Variants in ZNF143 observed in about 807,000 individuals in gnomAD.
ZNF143 encodes SPH-binding factor.
ZNF143 carries 49 observed loss-of-function variants against 74.1 expected under a neutral mutation model. The ratio of observed to expected loss-of-function variants is 0.66; its 90% confidence interval spans 0.53 to 0.84. The LOEUF (loss-of-function observed/expected upper bound fraction) is 0.84. Among genes scored for constraint, ZNF143 ranks in the 40% least tolerant of loss-of-function variants. The pLI is 0.00. For synonymous variants in ZNF143, 304 were observed against 282.8 expected (o/e 1.07, Z -0.75); for missense variants, 637 against 793.4 (o/e 0.80, Z 2.37).
At chr11:9,485,833 T>C (rs1230803796) in intron 7 of ZNF143, among the ~76,000 whole-genome samples, 1 of 151,576 alleles carries the variant, frequency 6.6e-6, no homozygotes, top group Non-Finnish European at 1.5e-5. Context: ...AAACACCAGA[T>C]TGTAAGTTAT....
intron 10 of ZNF143, 145 bp from the exon 11 acceptor site, chr11:9,500,946 C>A: frequency 3.4e-6 from 3 of 876,146 alleles, no homozygotes. Context: ...GTTTCCCCAA[C>A]CCCCCCAAAA....
chr11:9,471,044 A>G (rs1215610141), intron 1 of ZNF143: 3 of 189,368 alleles, frequency 1.6e-5, no homozygotes, highest in Non-Finnish European at 3.2e-5. Context: ...TATGAAACTG[A>G]TGGGCACAAT....
intron 7 of ZNF143, among the ~76,000 whole-genome samples, chr11:9,493,689 T>C (rs1847862234): frequency 1.3e-5 from 2 of 152,176 alleles, no homozygotes; most frequent in African/African-American, 4.8e-5. Flanking sequence ...TACCCAGAAT[T>C]ATATGCCATG....
At chr11:9,492,297 A>T (rs1190932631) in intron 7 of ZNF143, among the ~76,000 whole-genome samples, 15 of 151,968 alleles carry the variant, frequency 9.9e-5, no homozygotes, top group Non-Finnish European at 1.2e-4. Flanking sequence ...TTTTTAGTAG[A>T]GACAGGGTTT....
intron 5 of ZNF143, among the ~76,000 whole-genome samples, chr11:9,477,655 ATTT>A (rs985856492): frequency 6.6e-6 from 1 of 152,126 alleles, no homozygotes; most frequent in African/African-American, 2.4e-5. Context: ...TAAAATCACT[ATTT>A]TATATCAATA....
chr11:9,521,062 G>T (rs1848907618), intron 14 of ZNF143, among the ~76,000 whole-genome samples: 1 of 152,022 alleles, frequency 6.6e-6, no homozygotes, highest in African/African-American at 2.4e-5. Flanking sequence ...TACACTCCCT[G>T]CCCCCACACA....
intron 11 of ZNF143, among the ~76,000 whole-genome samples, chr11:9,504,149 T>G (rs942189489): frequency 4.0e-5 from 6 of 148,420 alleles, no homozygotes; most frequent in African/African-American, 7.5e-5. Flanking sequence ...TTAATAGAGA[T>G]AGGTTTTCAC....
chr11:9,461,458 C>T (rs1267651802), intron 1 of ZNF143, among the ~76,000 whole-genome samples: 2 of 152,164 alleles, frequency 1.3e-5, no homozygotes, highest in South Asian at 4.1e-4. Flanking sequence ...GAGCGAGTCC[C>T]CAGGCGCCGC....
intron 14 of ZNF143, 101 bp from the exon 15 acceptor site, chr11:9,525,139 C>G: frequency 2.2e-6 from 3 of 1,392,206 alleles, no homozygotes; most frequent in Non-Finnish European, 3.0e-6. Context: ...AGGAGTTTTT[C>G]CTTTTCAATT....
intron 5 of ZNF143, among the ~76,000 whole-genome samples, chr11:9,475,838 A>C: frequency 6.6e-6 from 1 of 151,416 alleles, no homozygotes; most frequent in East Asian, 1.9e-4. Context: ...TAGAGGTTGC[A>C]GTGTAGTTGA....
In ZNF143 at chr11:9,501,925, C is replaced by CTTT. The variant is rs57169874; in HGVS notation, c.1147+681_1147+683dup. Among the ~76,000 whole-genome samples the CTTT allele has an allele frequency of 4.8e-4, 18 of 37,436 alleles. 2 individuals are homozygous for CTTT. Among genetic ancestry groups the CTTT allele is most frequent in the African/African-American group, 1.0e-3 (9 of 8,768 alleles). 24.6% of individuals were successfully genotyped at this position (37,436 alleles called of 152,430 possible). On this transcript the variant is annotated intron_variant, in intron 11 of 15. Coordinates refer to ENST00000396602, the MANE Select transcript of ZNF143 (RefSeq NM_003442.6). Reference sequence around the variant, plus strand: ...GGGCGGGGTGGTCTATGGATATATTCTTTTTTTTTTTTTTTTTTTTTTTTT... The same window carrying CTTT: ...GGGCGGGGTGGTCTATGGATATATTCTTTTTTTTTTTTTTTTTTTTTTTTTTTT...
At position 9,514,738 on chromosome 11, in the gene ZNF143, A is replaced by G. The variant is rs191074576; in HGVS notation, c.1525-1463A>G. ...ACACTTTCTGGGACTGCAAATGACT[A>G]GTTGTGGCTGGAGTGTCAGTTGCTA... On this transcript the variant is annotated intron_variant, in intron 13 of 15. Coordinates refer to ENST00000396602, the MANE Select transcript of ZNF143 (RefSeq NM_003442.6). Among the ~76,000 whole-genome samples the G allele has an allele frequency of 3.1e-3, 469 of 152,340 alleles. 2 individuals are homozygous for G. Among genetic ancestry groups the G allele is most frequent in the Non-Finnish European group, 3.4e-3 (230 of 68,028 alleles).
chr11:9,487,549 G>C (rs1289963519), intron 7 of ZNF143, among the ~76,000 whole-genome samples: 4 of 151,668 alleles, frequency 2.6e-5, no homozygotes, highest in Non-Finnish European at 5.9e-5. Flanking sequence ...AGTAGAGATG[G>C]GGTTTCACCG....
At chr11:9,485,712 C>T (rs908975430) in intron 7 of ZNF143, among the ~76,000 whole-genome samples, 5 of 151,460 alleles carry the variant, frequency 3.3e-5, no homozygotes, top group African/African-American at 1.2e-4. Context: ...TCTGGTGCCA[C>T]ACTTCTAGGA....
chr11:9,500,493 G>C (rs932663012), intron 10 of ZNF143, among the ~76,000 whole-genome samples: 4 of 151,942 alleles, frequency 2.6e-5, no homozygotes, highest in Admixed American at 1.3e-4. Flanking sequence ...GAGTGCAACG[G>C]TGTAATCTCG....
intron 7 of ZNF143, among the ~76,000 whole-genome samples, chr11:9,484,053 A>T (rs1417759472): frequency 6.6e-6 from 1 of 150,782 alleles, no homozygotes; most frequent in Non-Finnish European, 1.5e-5. Context: ...CAGCTCAGTA[A>T]ATTTTTAATC....
At chr11:9,480,640 C>T (rs1021239861) in intron 7 of ZNF143, among the ~76,000 whole-genome samples, 1 of 152,078 alleles carries the variant, frequency 6.6e-6, no homozygotes, top group African/African-American at 2.4e-5. Context: ...AATCCCAGCA[C>T]TTTGGGAGGC....
chr11:9,475,732 C>CA (rs973822770), intron 5 of ZNF143, among the ~76,000 whole-genome samples: 4 of 151,840 alleles, frequency 2.6e-5, no homozygotes, highest in Non-Finnish European at 5.9e-5. Context: ...ACTAAAAATA[C>CA]AAAAAAATAC....
At chr11:9,472,557 A>G (rs1856643070) in intron 2 of ZNF143, 120 bp from the exon 3 acceptor site, 1 of 884,736 alleles carries the variant, frequency 1.1e-6, no homozygotes, top group Non-Finnish European at 1.7e-6. Context: ...CGGCCGCTAA[A>G]TCTCATTTTG....
Sources: allele counts gnomAD v4.1 joint callset (sites outside exome capture counted in the v4.1 genomes callset), GRCh38; gene constraint gnomAD v4.1.1; transcripts MANE v1.5; gene names NCBI Gene and HGNC (gene_info 2026-07-23, HGNC 2026-07-21).